The following CDC42BPB variants were observed in gnomAD, a reference collection of about 807,000 sequenced individuals.
CDC42BPB encodes CDC42 binding protein kinase beta.
Under a neutral mutation model 214.9 loss-of-function variants are expected in CDC42BPB, and 37 were observed. The observed-to-expected ratio is 0.17, with a 90% confidence interval of 0.13 to 0.23. The LOEUF (loss-of-function observed/expected upper bound fraction) is 0.23. Ranked by LOEUF, CDC42BPB falls within the 10% of genes least tolerant of loss-of-function variation. The probability of loss-of-function intolerance (pLI) is 1.00; values close to 1 mark genes in which losing one functional copy is unlikely to be tolerated. For synonymous variants in CDC42BPB, 931 were observed against 884.0 expected, an observed-to-expected ratio of 1.05 and a Z score of -0.94; for missense variants, 1,694 against 2,227.0, an observed-to-expected ratio of 0.76 and a Z score of 4.82.
At chr14:102,953,634 C>T (rs1273209889) in intron 23 of CDC42BPB, among the ~76,000 whole-genome samples, 3 of 152,194 alleles carry the variant, frequency 2.0e-5, no homozygotes, top group Non-Finnish European at 4.4e-5. Flanking sequence ...ACTTTCTGAT[C>T]TGCGTTGATG....
At chr14:102,938,600 G>A in intron 34 of CDC42BPB, 189 bp from the exon 35 acceptor site, 1 of 968,922 alleles carries the variant, frequency 1.0e-6, no homozygotes, top group South Asian at 4.8e-5. Flanking sequence ...GCAACTTCAG[G>A]GCAGGTCAAA....
Position 103,004,582 on chromosome 14 carries a change from A to C in CDC42BPB, c.352-559T>G, listed in dbSNP as rs1048339001. Among the ~76,000 whole-genome samples, 1 of 152,218 alleles carries C rather than the reference A, an allele frequency of 6.6e-6. No individual in the cohort carries two copies. Among genetic ancestry groups the C allele is most frequent in the Non-Finnish European group, 1.5e-5 (1 of 68,042 alleles). On this transcript the variant is annotated intron_variant, in intron 3 of 36. Coordinates refer to ENST00000361246, the MANE Select transcript of CDC42BPB (RefSeq NM_006035.4). The surrounding 1 kb of genome is among the most constrained non-coding windows in gnomAD (Gnocchi z 5.3). ...TCTACCCTGCTACGTCTTCCAAAAG[A>C]GTTTTAATGCCCAGGTGGCATCTCC... is the stretch of plus-strand genomic sequence containing the variant.
At chr14:102,973,030 G>A (rs948673402) in intron 12 of CDC42BPB, among the ~76,000 whole-genome samples, 3 of 152,196 alleles carry the variant, frequency 2.0e-5, no homozygotes, top group Non-Finnish European at 2.9e-5. Context: ...TGATGACCCT[G>A]ACCTCCCTGC....
chr14:102,978,861 G>A (rs1388396381), intron 8 of CDC42BPB, among the ~76,000 whole-genome samples: 1 of 152,106 alleles, frequency 6.6e-6, no homozygotes, highest in Non-Finnish European at 1.5e-5. Flanking sequence ...ACAAAAATTA[G>A]CTGGATGTGG....
At chr14:103,007,647 T>A (rs960984590) in intron 3 of CDC42BPB, among the ~76,000 whole-genome samples, 1 of 152,210 alleles carries the variant, frequency 6.6e-6, no homozygotes, top group South Asian at 2.1e-4. Context: ...GGCACAGGCC[T>A]CGCTCAGGGC....
At chr14:102,987,892 G>A (rs1342689242) in intron 5 of CDC42BPB, among the ~76,000 whole-genome samples, 1 of 150,992 alleles carries the variant, frequency 6.6e-6, no homozygotes, top group Non-Finnish European at 1.5e-5. Context: ...AGAATTGCTT[G>A]AACCTTGGGA....
chr14:103,024,106 G>A (rs1043188494), intron 1 of CDC42BPB, among the ~76,000 whole-genome samples: 4 of 152,168 alleles, frequency 2.6e-5, no homozygotes, highest in Non-Finnish European at 2.9e-5. Flanking sequence ...ATACAGAGAC[G>A]CTCTCCCACA....
At chr14:103,053,088 G>A (rs1367723808) in intron 1 of CDC42BPB, among the ~76,000 whole-genome samples, 3 of 151,104 alleles carry the variant, frequency 2.0e-5, no homozygotes, top group Admixed American at 1.3e-4. Context: ...GGTGGCTCAC[G>A]CCTGTAATCC....
chr14:102,946,204 T>A (rs1253059654), intron 28 of CDC42BPB, among the ~76,000 whole-genome samples: 1 of 151,992 alleles, frequency 6.6e-6, no homozygotes. Context: ...TTTTTTTTTT[T>A]AGCAGAGACA....
intron 6 of CDC42BPB, among the ~76,000 whole-genome samples, chr14:102,984,900 T>C (rs1365383836): frequency 2.0e-5 from 3 of 152,216 alleles, no homozygotes; most frequent in Non-Finnish European, 2.9e-5. Flanking sequence ...CACGAGTGCG[T>C]GGCCAGCCCA....
rs1894978416 is a variant in CDC42BPB, at chr14:103,001,482, C to T, written c.448-1769G>A. Among the ~76,000 whole-genome samples, 1 of 152,112 alleles carries T rather than the reference C, an allele frequency of 6.6e-6. No homozygotes were observed. The highest frequency in any genetic ancestry group is 1.5e-5 in the Non-Finnish European group (1 of 68,014). ...CGGTCGTGCTCCAGATGAAGGGGTG[C>T]GTGCAAAGCGGCTAGGAGGAAAGTG... On this transcript the variant is annotated intron_variant, in intron 4 of 36. Coordinates refer to ENST00000361246, the MANE Select transcript of CDC42BPB (RefSeq NM_006035.4). The surrounding 1 kb of genome is among the most constrained non-coding windows in gnomAD (Gnocchi z 5.8).
intron 1 of CDC42BPB, among the ~76,000 whole-genome samples, chr14:103,048,417 G>A (rs939084850): frequency 5.3e-5 from 8 of 151,256 alleles, no homozygotes; most frequent in African/African-American, 1.7e-4. Flanking sequence ...GGCTGGGCGC[G>A]GTAGCTCACG....
intron 1 of CDC42BPB, among the ~76,000 whole-genome samples, chr14:103,025,719 G>A (rs1181901706): frequency 6.6e-6 from 1 of 151,674 alleles, no homozygotes; most frequent in Non-Finnish European, 1.5e-5. Context: ...TAGGGAGGCT[G>A]AGGCAGGAGA....
At chr14:102,966,464 G>C in intron 17 of CDC42BPB, 77 bp from the exon 18 acceptor site, 1 of 1,569,220 alleles carries the variant, frequency 6.4e-7, no homozygotes, top group Non-Finnish European at 8.7e-7. Flanking sequence ...GGACGTTCCC[G>C]CCTTCCTCGG....
chr14:102,945,466 G>A, intron 29 of CDC42BPB, 196 bp downstream of exon 29: 1 of 585,154 alleles, frequency 1.7e-6, no homozygotes. Flanking sequence ...TCCCCTTGAA[G>A]AACTCGATGG....
intron 16 of CDC42BPB, chr14:102,967,414 G>A (rs898005423): frequency 7.6e-6 from 7 of 921,632 alleles, no homozygotes; most frequent in Non-Finnish European, 9.1e-6. Flanking sequence ...GCATCTTTTC[G>A]CTGAATACAA....
chr14:103,056,892 GAGGGCGGC>G lies in CDC42BPB; in HGVS notation c.175+99_175+106del, dbSNP rs1342275141. Reference sequence around the variant, plus strand: ...CGAAGCCCACGAGCTGGGTGGGCAGGAGGGCGGCAGGGTCTGTCCGGGCGGGGATGGGC... The same window carrying G: ...CGAAGCCCACGAGCTGGGTGGGCAGGAGGGTCTGTCCGGGCGGGGATGGGC... On this transcript the variant is annotated intron_variant, in intron 1 of 36. Coordinates refer to ENST00000361246, the MANE Select transcript of CDC42BPB (RefSeq NM_006035.4). The G allele has an allele frequency of 3.9e-6, 3 of 765,242 alleles. No individual in the cohort carries two copies. In the African/African-American group the frequency reaches 5.6e-5, roughly 14 times the overall value. 47.4% of individuals were successfully genotyped at this position (765,242 alleles called of 1,614,324 possible). A position where few individuals can be genotyped will look rare whatever the true frequency, so the allele number is the denominator to read the frequency against.
chr14:102,937,901 G>T (rs991449418), intron 36 of CDC42BPB, among the ~76,000 whole-genome samples: 5 of 152,214 alleles, frequency 3.3e-5, no homozygotes, highest in African/African-American at 1.2e-4. Flanking sequence ...TCCCAAAGGA[G>T]CTTGGGGTCT....
At chr14:102,984,831 T>C (rs547307479) in intron 6 of CDC42BPB, among the ~76,000 whole-genome samples, 13 of 152,242 alleles carry the variant, frequency 8.5e-5, no homozygotes, top group African/African-American at 2.9e-4. Flanking sequence ...GAGCCAGTGG[T>C]GTGAGAACTG....
Sources: gnomAD v4.1 joint callset for allele counts (sites outside exome capture counted in the v4.1 genomes callset) on GRCh38, gnomAD v4.1.1 for gene constraint, Gnocchi (gnomAD v3.1) non-coding constraint, MANE v1.5 for transcripts, NCBI Gene and HGNC (gene_info 2026-07-23, HGNC 2026-07-21) for gene names.